TRDN: variants seen among roughly 807,000 people sequenced by gnomAD.
TRDN encodes triadin in skeletal muscle.
TRDN carries 161 observed loss-of-function variants against 149.7 expected under a neutral mutation model. The ratio of observed to expected loss-of-function variants is 1.08; its 90% confidence interval spans 0.95 to 1.23. The LOEUF is 1.23. Ranked by LOEUF, TRDN falls within the 50% of genes most tolerant of loss-of-function variation. The pLI is 0.00. For synonymous variants in TRDN, 294 were observed against 250.5 expected, an observed-to-expected ratio of 1.17 and a Z score of -1.64; for missense variants, 896 against 823.5, an observed-to-expected ratio of 1.09 and a Z score of -1.08.
intron 1 of TRDN, among the ~76,000 whole-genome samples, chr6:123,618,080 A>G (rs1562134077): frequency 6.6e-6 from 1 of 152,150 alleles, no homozygotes; most frequent in Non-Finnish European, 1.5e-5. Context: ...ATTTTATATG[A>G]GCCCTCTAAA....
chr6:123,547,370 C>A lies in TRDN; in HGVS notation c.394G>T (p.Glu132Ter). The A allele has an allele frequency of 6.9e-7, 1 of 1,446,066 alleles. No individual in the cohort carries two copies. Among genetic ancestry groups the A allele is most frequent in the Non-Finnish European group, 9.2e-7 (1 of 1,091,474 alleles). The allele number at this position is 1,446,066 out of a possible 1,614,324, so 89.6% of individuals were successfully genotyped here. A position where few individuals can be genotyped will look rare whatever the true frequency, so the allele number is the denominator to read the frequency against. ...DDGDEDTDKGEIDEPPLRKKE... is the reference protein window; with the variant it reads ...DDGDEDTDKG ...TTTCTCAAGGGAGGCTCATCTATTT[C>A]TCCTAGACCAAGATTAAAAGAAAAA... Residue 132 changes from glutamate to a stop codon, truncating the protein, a stop_gained and splice_region_variant, in exon 4 of 41, where the codon GAA becomes TAA. Transcript: ENST00000334268. LOFTEE classifies it high-confidence loss of function.
intron 4 of TRDN, among the ~76,000 whole-genome samples, chr6:123,540,167 A>G (rs1780754142): frequency 6.6e-6 from 1 of 152,228 alleles, no homozygotes; most frequent in Admixed American, 6.5e-5. Flanking sequence ...GATAAAGTGC[A>G]TATTTCTTCT....
chr6:123,491,594 C>T (rs1778220329), intron 9 of TRDN, among the ~76,000 whole-genome samples: 1 of 151,914 alleles, frequency 6.6e-6, no homozygotes, highest in South Asian at 2.1e-4. Context: ...TTACTCATTC[C>T]TGGTATACTG....
At position 123,574,881 on chromosome 6, in the gene TRDN, TATATATATATATAC is replaced by T. The variant is rs1384896259; in HGVS notation, c.23-3763_23-3750del. On this transcript the variant is annotated intron_variant, in intron 1 of 40. Coordinates refer to ENST00000334268, the MANE Select transcript of TRDN (RefSeq NM_006073.4). ...ACATATATATATATATATATATATA[TATATATATATATAC>T]ACACATTTTCCTTTCTTTGATCAAA... 4.8e-3 allele frequency among the ~76,000 whole-genome samples: 517 copies of T among 107,466 alleles called. 10 individuals carry two copies. Among genetic ancestry groups the T allele is most frequent in the African/African-American group, 0.015 (413 of 27,882 alleles). 70.5% of individuals were successfully genotyped at this position (107,466 alleles called of 152,430 possible). A position where few individuals can be genotyped will look rare whatever the true frequency, so the allele number is the denominator to read the frequency against.
rs1034356533 is a variant in TRDN at position 123,366,188 on chromosome 6, A to T, written c.1274-6T>A. ...CTCTTTGGCTCGTTCAGTTTCTGCA[A>T]GTTCAGATATTAAAGGAATGAGAAG... On this transcript the variant is annotated splice_polypyrimidine_tract_variant and splice_region_variant and intron_variant, in intron 19 of 40. Transcript: ENST00000334268. The T allele has an allele frequency of 1.2e-6, 2 of 1,612,712 alleles. No homozygotes were observed. The highest frequency in any genetic ancestry group is 1.3e-5 in the African/African-American group (1 of 74,922).
chr6:123,485,884 A>T (rs1168540624), intron 9 of TRDN, among the ~76,000 whole-genome samples: 1 of 151,992 alleles, frequency 6.6e-6, no homozygotes, highest in Non-Finnish European at 1.5e-5. Flanking sequence ...TATTCATTCC[A>T]TGGCTTCAAC....
intron 12 of TRDN, among the ~76,000 whole-genome samples, chr6:123,407,634 G>T (rs188345130): frequency 1.3e-5 from 2 of 151,792 alleles, no homozygotes; most frequent in African/African-American, 4.8e-5. Flanking sequence ...CTGTGACTAT[G>T]GACAATACAT....
Position 123,528,774 on chromosome 6 carries a change from A to C in TRDN, c.484+1732T>G, listed in dbSNP as rs1000608473. The C allele has an allele frequency of 6.1e-6, 6 of 991,298 alleles. No homozygotes were observed. The African/African-American group carries it at 1.0e-4, about 17-fold the overall frequency. 61.4% of individuals were successfully genotyped at this position (991,298 alleles called of 1,614,324 possible). ...TTACAGACGGGAAACTAAGCAATAA[A>C]GTGAAATCTTTTGTTCATATTCACA... On this transcript the variant is annotated intron_variant, in intron 5 of 40. Transcript: ENST00000334268.
intron 12 of TRDN, among the ~76,000 whole-genome samples, chr6:123,400,195 A>C (rs1010811051): frequency 6.7e-6 from 1 of 148,288 alleles, no homozygotes; most frequent in Non-Finnish European, 1.5e-5. Context: ...ATATAAACAC[A>C]CACATACACA....
intron 37 of TRDN, among the ~76,000 whole-genome samples, chr6:123,254,473 T>C (rs560684443): frequency 3.9e-5 from 6 of 152,068 alleles, no homozygotes; most frequent in Non-Finnish European, 7.4e-5. Flanking sequence ...TATGTTTACC[T>C]AGCACCTTCG....
rs148200161 is a variant in TRDN, at chr6:123,554,278, A to G, written c.233-5666T>C. ...TACCTTCTGTATGGTAGTACTCAAT[A>G]TGAGCTTGGCTAAGCAAAGCAGAGA... is the stretch of plus-strand genomic sequence containing the variant. On this transcript the variant is annotated intron_variant, in intron 2 of 40. Coordinates refer to ENST00000334268, the MANE Select transcript of TRDN (RefSeq NM_006073.4). 2.0e-3 allele frequency among the ~76,000 whole-genome samples: 301 copies of G among 152,268 alleles called. 5 individuals carry two copies. The highest frequency in any genetic ancestry group is 7.0e-3 in the African/African-American group (291 of 41,564).
intron 12 of TRDN, among the ~76,000 whole-genome samples, chr6:123,435,813 A>G (rs929469084): frequency 1.4e-4 from 21 of 152,100 alleles, no homozygotes; most frequent in African/African-American, 5.1e-4. Context: ...CCTTGTAGGA[A>G]GTGATATGGG....
intron 2 of TRDN, among the ~76,000 whole-genome samples, chr6:123,562,802 A>G (rs574852569): frequency 1.3e-5 from 2 of 152,356 alleles, no homozygotes; most frequent in South Asian, 4.1e-4. Flanking sequence ...ATGCTTTTAA[A>G]CCAAAGGAAA....
At chr6:123,529,940 T>C (rs148751126) in intron 5 of TRDN, among the ~76,000 whole-genome samples, 1 of 152,066 alleles carries the variant, frequency 6.6e-6, no homozygotes, top group African/African-American at 2.4e-5. Context: ...CTGGCCTTTC[T>C]TAATTTGCTT....
chr6:123,480,810 C>T (rs1473024107), intron 9 of TRDN, among the ~76,000 whole-genome samples: 1 of 151,960 alleles, frequency 6.6e-6, no homozygotes, highest in Non-Finnish European at 1.5e-5. Context: ...TGTAAACTAC[C>T]TAAACATAGA....
At chr6:123,303,457 C>A (rs1778501723) in intron 24 of TRDN, among the ~76,000 whole-genome samples, 2 of 152,178 alleles carry the variant, frequency 1.3e-5, no homozygotes, top group African/African-American at 4.8e-5. Context: ...CAACAAACGA[C>A]ATGAATACCA....
chr6:123,234,302 T>C (rs186641351), intron 38 of TRDN, among the ~76,000 whole-genome samples: 1 of 152,226 alleles, frequency 6.6e-6, no homozygotes, highest in African/African-American at 2.4e-5. Context: ...TTTCATATCA[T>C]ATATATGTGT....
chr6:123,374,839 G>T (rs776056362), intron 19 of TRDN, among the ~76,000 whole-genome samples: 1 of 151,896 alleles, frequency 6.6e-6, no homozygotes, highest in Non-Finnish European at 1.5e-5. Context: ...ACAGGCATTT[G>T]TTTTATGTAT....
In TRDN at chr6:123,418,140, T is replaced by C. The variant is rs778704516; in HGVS notation, c.1051+19923A>G. Among the ~76,000 whole-genome samples, 7 of 152,256 alleles carry C rather than the reference T, an allele frequency of 4.6e-5. No homozygotes were observed. The South Asian group carries it at 1.2e-3, about 27-fold the overall frequency. On this transcript the variant is annotated intron_variant, in intron 12 of 40. Transcript: ENST00000334268. ...TTGACCCAGAGGTAGCTTGTCATAATAGGTAGGGTAAGTGTGACCGTTATT... is the reference window on the plus strand; with the variant it reads ...TTGACCCAGAGGTAGCTTGTCATAACAGGTAGGGTAAGTGTGACCGTTATT...
Sources: allele counts gnomAD v4.1 joint callset (sites outside exome capture counted in the v4.1 genomes callset), GRCh38; gene constraint gnomAD v4.1.1; transcripts MANE v1.5; gene names NCBI Gene and HGNC (gene_info 2026-07-23, HGNC 2026-07-21).